Variants in PLXNA2 observed in about 807,000 individuals in gnomAD.
PLXNA2 encodes plexin-A2.
A neutral mutation model predicts 193.5 loss-of-function variants in PLXNA2; 91 were observed. The ratio of observed to expected loss-of-function variants is 0.47; its 90% CI spans 0.40 to 0.56. The LOEUF is 0.56. Ranked by LOEUF, PLXNA2 falls within the 20% of genes least tolerant of loss-of-function variation. PLXNA2 has a pLI of 0.00. For synonymous variants in PLXNA2, 997 were observed against 1,027.3 expected (o/e 0.97, Z 0.56); for missense variants, 1,995 against 2,503.2 (o/e 0.80, Z 4.33).
chr1:208,074,476 G>T (rs1666079501), intron 12 of PLXNA2, among the ~76,000 whole-genome samples: 1 of 152,190 alleles, frequency 6.6e-6, no homozygotes, highest in African/African-American at 2.4e-5. Flanking sequence ...AGTCCTGAGG[G>T]GGTCCTAACC....
At chr1:208,127,981 C>T (rs917415163) in intron 4 of PLXNA2, among the ~76,000 whole-genome samples, 17 of 152,128 alleles carry the variant, frequency 1.1e-4, no homozygotes, top group African/African-American at 4.1e-4. Flanking sequence ...CACAGCCTGC[C>T]CATCTTGCAG....
At chr1:208,211,625 G>A (rs189627023) in intron 2 of PLXNA2, among the ~76,000 whole-genome samples, 3 of 151,822 alleles carry the variant, frequency 2.0e-5, no homozygotes, top group Non-Finnish European at 1.5e-5. Context: ...CCCAGGAGGC[G>A]GAGGTTGCAG....
chr1:208,030,212 C>T, intron 29 of PLXNA2: 2 of 985,596 alleles, frequency 2.0e-6, no homozygotes, highest in Non-Finnish European at 1.2e-6. Context: ...TCCCCTTCTT[C>T]TGGCAGCCTT....
chr1:208,218,079 C>T, intron 1 of PLXNA2, 77 bp from the exon 2 acceptor site: 1 of 1,330,504 alleles, frequency 7.5e-7, no homozygotes, highest in Non-Finnish European at 1.0e-6. Flanking sequence ...GACCCAGGGT[C>T]CCCATCCTGG....
chr1:208,043,487 G>T (rs12136725), intron 20 of PLXNA2, among the ~76,000 whole-genome samples: 74,436 of 152,078 alleles, frequency 0.49, 19,093 homozygotes, highest in Non-Finnish European at 0.57. Context: ...TATCATGATT[G>T]GGCCGTTTAG....
intron 31 of PLXNA2, 123 bp from the exon 32 acceptor site, chr1:208,027,461 A>C: frequency 1.6e-6 from 1 of 641,522 alleles, no homozygotes; most frequent in Non-Finnish European, 2.7e-6. Flanking sequence ...ACATAACCTT[A>C]AATAATTTAA....
chr1:208,167,210 A>T (rs1669337809), intron 3 of PLXNA2, among the ~76,000 whole-genome samples: 2 of 152,208 alleles, frequency 1.3e-5, no homozygotes, highest in South Asian at 4.1e-4. Context: ...TGGCGATTTT[A>T]TATTTTCTGG....
chr1:208,129,043 T>C (rs1447843415), intron 4 of PLXNA2, among the ~76,000 whole-genome samples: 3 of 152,190 alleles, frequency 2.0e-5, no homozygotes, highest in African/African-American at 7.2e-5. Flanking sequence ...TGGTATCTCT[T>C]GGGGAGACAG....
intron 15 of PLXNA2, among the ~76,000 whole-genome samples, chr1:208,051,965 G>A (rs1329213097): frequency 1.3e-5 from 2 of 152,190 alleles, no homozygotes; most frequent in Non-Finnish European, 2.9e-5. Flanking sequence ...CTAAGCATAA[G>A]TCTGTGCTTT....
At chr1:208,109,962 C>T (rs1249850891) in intron 4 of PLXNA2, among the ~76,000 whole-genome samples, 1 of 152,230 alleles carries the variant, frequency 6.6e-6, no homozygotes, top group Non-Finnish European at 1.5e-5. Flanking sequence ...CAGGCTTGCA[C>T]CAAATCTTGT....
Position 208,022,933 on chromosome 1 carries a change from T to G in PLXNA2, c.*4310A>C, listed in dbSNP as rs1002604665. 1.3e-5 allele frequency: 2 copies of G among 152,158 alleles called. No individual in the cohort carries two copies. Among genetic ancestry groups the G allele is most frequent in the Non-Finnish European group, 2.9e-5 (2 of 68,028 alleles). The allele number at this position is 152,158 out of a possible 1,614,324, so 9.4% of individuals were successfully genotyped here. A position where few individuals can be genotyped will look rare whatever the true frequency, so the allele number is the denominator to read the frequency against. On this transcript the variant is annotated 3_prime_UTR_variant, in exon 32 of 32. Transcript: ENST00000367033. ...TGGCTGTGATCGTGTCTCAGGACTTTCCCTAGCACTAGTTAGAAAATACCA... is the reference window on the plus strand; with the variant it reads ...TGGCTGTGATCGTGTCTCAGGACTTGCCCTAGCACTAGTTAGAAAATACCA...
rs1262716096 is a variant in PLXNA2 at position 208,236,442 on chromosome 1, T to TAAGGC, written c.-81+7196_-81+7200dup. 1.3e-5 allele frequency among the ~76,000 whole-genome samples: 2 copies of TAAGGC among 152,120 alleles called. No individual in the cohort carries two copies. The highest frequency in any genetic ancestry group is 2.9e-5 in the Non-Finnish European group (2 of 68,010). On this transcript the variant is annotated intron_variant, in intron 1 of 31. Coordinates refer to ENST00000367033, the MANE Select transcript of PLXNA2 (RefSeq NM_025179.4). The surrounding 1 kb of genome is among the most constrained non-coding windows in gnomAD (Gnocchi z 4.4). ...CTGCCCGCTGGTCCTGCTGCCTCTA[T>TAAGGC]AAGGCAAGGCAGGGCTTTTCTACAC... is the stretch of plus-strand genomic sequence containing the variant.
At chr1:208,193,523 T>G (rs1670251382) in intron 3 of PLXNA2, among the ~76,000 whole-genome samples, 1 of 152,134 alleles carries the variant, frequency 6.6e-6, no homozygotes. Flanking sequence ...GATTACAAAA[T>G]GAGATAAAAA....
At chr1:208,030,804 A>G (rs1388709640) in intron 29 of PLXNA2, 2 of 985,182 alleles carry the variant, frequency 2.0e-6, no homozygotes, top group African/African-American at 3.5e-5. Context: ...TTCCCAAAGG[A>G]AGCCTTTTGA....
chr1:208,181,030 T>C (rs947016465), intron 3 of PLXNA2, among the ~76,000 whole-genome samples: 2 of 152,236 alleles, frequency 1.3e-5, no homozygotes, highest in Non-Finnish European at 1.5e-5. Flanking sequence ...AAACCTCTAG[T>C]GTCCAGGCTC....
intron 23 of PLXNA2, 75 bp downstream of exon 23, chr1:208,039,916 CA>C (rs2102314800): frequency 2.5e-5 from 40 of 1,581,454 alleles, no homozygotes; most frequent in Non-Finnish European, 3.4e-5. Flanking sequence ...GGTCCCCATG[CA>C]GCCCTGTGGC....
chr1:208,237,884 C>T (rs1671917949), intron 1 of PLXNA2, among the ~76,000 whole-genome samples: 1 of 152,204 alleles, frequency 6.6e-6, no homozygotes, highest in Non-Finnish European at 1.5e-5. Flanking sequence ...ATTACTTTTT[C>T]ATCCTTGTAT....
intron 1 of PLXNA2, among the ~76,000 whole-genome samples, chr1:208,225,919 T>C (rs1278850784): frequency 6.6e-6 from 1 of 152,218 alleles, no homozygotes; most frequent in Non-Finnish European, 1.5e-5. Context: ...TTAAGCCACC[T>C]GGTCTGTGAT....
intron 3 of PLXNA2, among the ~76,000 whole-genome samples, chr1:208,206,622 T>C (rs185844873): frequency 1.4e-4 from 21 of 152,352 alleles, no homozygotes; most frequent in African/African-American, 5.1e-4. Context: ...CCTGGTAATC[T>C]TCCTTTTCAG....
Sources: allele counts gnomAD v4.1 joint callset (sites outside exome capture counted in the v4.1 genomes callset), GRCh38; gene constraint gnomAD v4.1.1; non-coding constraint Gnocchi (gnomAD v3.1); transcripts MANE v1.5; gene names NCBI Gene and HGNC (gene_info 2026-07-23, HGNC 2026-07-21).